BCAS3: variants seen among roughly 807,000 people sequenced by gnomAD.
BCAS3 encodes BCAS3 microtubule associated cell migration factor, also known as BCAS4/BCAS3 fusion.
BCAS3 carries 53 observed loss-of-function variants against 116.1 expected under a neutral mutation model. The ratio of observed to expected loss-of-function variants is 0.46; its 90% CI spans 0.37 to 0.57. The LOEUF (loss-of-function observed/expected upper bound fraction) is 0.57, where lower values mean the gene tolerates loss of function less well. BCAS3 is among the 20% of genes least tolerant of loss of function. The pLI is 0.00. For synonymous variants in BCAS3, 391 were observed against 408.2 expected (o/e 0.96, Z 0.51); for missense variants, 917 against 1,165.4 (o/e 0.79, Z 3.10).
chr17:61,182,926 C>T (rs2079561801), intron 22 of BCAS3, among the ~76,000 whole-genome samples: 1 of 152,190 alleles, frequency 6.6e-6, no homozygotes. Flanking sequence ...GGGCTATGTG[C>T]TGAATGACTT....
chr17:60,757,252 T>C (rs2043075947), intron 6 of BCAS3, among the ~76,000 whole-genome samples: 1 of 151,508 alleles, frequency 6.6e-6, no homozygotes, highest in South Asian at 2.1e-4. Flanking sequence ...GAGGCAGAGG[T>C]TGCAGTGAGC....
chr17:61,084,790 T>G lies in BCAS3; in HGVS notation c.2425+226T>G, dbSNP rs1173263689. On this transcript the variant is annotated intron_variant, in intron 22 of 23. Transcript: ENST00000407086. The surrounding 1 kb of genome is among the most constrained non-coding windows in gnomAD (Gnocchi z 5.5). ...TGATGCAGTGGAGTTGGCACTTGATTAAATGTAATGAACATAGTATTGAAG... is the reference window on the plus strand; with the variant it reads ...TGATGCAGTGGAGTTGGCACTTGATGAAATGTAATGAACATAGTATTGAAG... 6.6e-6 allele frequency among the ~76,000 whole-genome samples: 1 copy of G among 152,238 alleles called. No homozygotes were observed. The highest frequency in any genetic ancestry group is 1.5e-5 in the Non-Finnish European group (1 of 68,046).
Position 61,233,069 on chromosome 17 carries a change from A to G in BCAS3, c.2426-135258A>G, listed in dbSNP as rs913853880. 6.6e-6 allele frequency among the ~76,000 whole-genome samples: 1 copy of G among 152,196 alleles called. No individual in the cohort carries two copies. The highest frequency in any genetic ancestry group is 2.4e-5 in the African/African-American group (1 of 41,454). On this transcript the variant is annotated intron_variant, in intron 22 of 23. Coordinates refer to ENST00000407086, the MANE Select transcript of BCAS3 (RefSeq NM_017679.5). The surrounding 1 kb of genome is among the most constrained non-coding windows in gnomAD (Gnocchi z 4.3). ...TGTAGCTAGACTGCGCTCTCTTGGG[A>G]CTAACCTGTGTGACTAATTTGAGTA...
rs759293415 is a variant in BCAS3, at chr17:61,032,760, A to C, written c.1638-1906A>C. 1.4e-4 allele frequency among the ~76,000 whole-genome samples: 22 copies of C among 152,194 alleles called. No homozygotes were observed. Among genetic ancestry groups the C allele is most frequent in the Non-Finnish European group, 2.9e-4 (20 of 68,022 alleles). On this transcript the variant is annotated intron_variant, in intron 16 of 23. Coordinates refer to ENST00000407086, the MANE Select transcript of BCAS3 (RefSeq NM_017679.5). The surrounding 1 kb of genome is among the most constrained non-coding windows in gnomAD (Gnocchi z 4.6). Reference sequence around the variant, plus strand: ...AGCTTCCCACAGAAACTTTTTATTTAAAAACGATGTCTTTATTCCCTGTCA... The same window carrying C: ...AGCTTCCCACAGAAACTTTTTATTTCAAAACGATGTCTTTATTCCCTGTCA...
intron 7 of BCAS3, among the ~76,000 whole-genome samples, chr17:60,866,801 T>C (rs2054634929): frequency 6.6e-6 from 1 of 152,172 alleles, no homozygotes; most frequent in Admixed American, 6.5e-5. Context: ...ATTACTTTTT[T>C]GAACACTTTG....
chr17:61,328,152 A>G (rs1476414766), intron 22 of BCAS3, among the ~76,000 whole-genome samples: 2 of 151,372 alleles, frequency 1.3e-5, no homozygotes, highest in East Asian at 1.9e-4. Context: ...GGAATAACCT[A>G]TAGCTTTAAA....
chr17:60,999,724 C>A (rs1435833637), intron 15 of BCAS3, among the ~76,000 whole-genome samples: 1 of 151,932 alleles, frequency 6.6e-6, no homozygotes, highest in Non-Finnish European at 1.5e-5. Flanking sequence ...AGTATTGAAT[C>A]TTTAGATTAC....
intron 22 of BCAS3, among the ~76,000 whole-genome samples, chr17:61,111,482 A>G (rs1011678470): frequency 3.0e-4 from 46 of 152,180 alleles, no homozygotes; most frequent in Non-Finnish European, 3.5e-4. Flanking sequence ...AAGAAAGGGT[A>G]TCAGCGACGG....
At chr17:60,867,620 T>G (rs1444894656) in intron 7 of BCAS3, among the ~76,000 whole-genome samples, 1 of 152,226 alleles carries the variant, frequency 6.6e-6, no homozygotes, top group African/African-American at 2.4e-5. Context: ...ATCCATATAT[T>G]CTAACAGTTG....
rs983115764 is a variant in BCAS3, at chr17:61,118,762, T to C, written c.2425+34198T>C. On this transcript the variant is annotated intron_variant, in intron 22 of 23. Coordinates refer to ENST00000407086, the MANE Select transcript of BCAS3 (RefSeq NM_017679.5). The surrounding 1 kb of genome is among the most constrained non-coding windows in gnomAD (Gnocchi z 5.0). Reference sequence around the variant, plus strand: ...GCAGCCTTTTGTTGTGACAAAAGCATAGACAGACCTTGAGGTGTAGAAATG... The same window carrying C: ...GCAGCCTTTTGTTGTGACAAAAGCACAGACAGACCTTGAGGTGTAGAAATG... 3.3e-5 allele frequency among the ~76,000 whole-genome samples: 5 copies of C among 152,188 alleles called. No homozygotes were observed. Among genetic ancestry groups the C allele is most frequent in the Non-Finnish European group, 7.3e-5 (5 of 68,034 alleles).
chr17:60,893,600 C>CTTTTTTTTTTTTT (rs930873750), intron 10 of BCAS3, among the ~76,000 whole-genome samples: 3 of 82,054 alleles, frequency 3.7e-5, no homozygotes, highest in African/African-American at 5.4e-5. Context: ...GACCTATGAT[C>CTTTTTTTTTTTTT]TTTTTTTTTT....
chr17:60,986,335 C>T (rs1295965418), intron 14 of BCAS3, among the ~76,000 whole-genome samples: 1 of 152,092 alleles, frequency 6.6e-6, no homozygotes, highest in Non-Finnish European at 1.5e-5. Context: ...ATACTGATTT[C>T]CTTTCTTTCG....
At chr17:60,943,485 G>A (rs1224384820) in intron 13 of BCAS3, among the ~76,000 whole-genome samples, 1 of 151,948 alleles carries the variant, frequency 6.6e-6, no homozygotes, top group African/African-American at 2.4e-5. Flanking sequence ...AAATAACCAC[G>A]GTTAAATCAT....
chr17:60,706,478 T>C (rs1455129200), intron 4 of BCAS3, among the ~76,000 whole-genome samples: 2 of 151,182 alleles, frequency 1.3e-5, no homozygotes, highest in Non-Finnish European at 2.9e-5. Context: ...GACTTTATTT[T>C]AACAGTAAGC....
At chr17:61,149,498 T>C (rs2077428782) in intron 22 of BCAS3, among the ~76,000 whole-genome samples, 1 of 152,202 alleles carries the variant, frequency 6.6e-6, no homozygotes, top group Admixed American at 6.5e-5. Flanking sequence ...AAATAGATTT[T>C]TAATGGCAAC....
At chr17:61,045,894 A>T (rs1207454995) in intron 19 of BCAS3, among the ~76,000 whole-genome samples, 1 of 34,904 alleles carries the variant, frequency 2.9e-5, no homozygotes, top group Non-Finnish European at 3.8e-5. Flanking sequence ...TTATATATAT[A>T]ATATATATAA....
intron 19 of BCAS3, chr17:61,069,748 G>A: frequency 1.6e-6 from 1 of 611,554 alleles, no homozygotes. Context: ...TGAGGTGGGA[G>A]GATCGCTTGA....
chr17:61,336,071 G>A (rs2056698331), intron 22 of BCAS3, among the ~76,000 whole-genome samples: 1 of 152,256 alleles, frequency 6.6e-6, no homozygotes, highest in African/African-American at 2.4e-5. Context: ...TCCAGCTCCA[G>A]AGGCCCTGGC....
At position 60,868,698 on chromosome 17, in the gene BCAS3, A is replaced by G. The variant is rs1037897093; in HGVS notation, c.584+15A>G. Reference sequence around the variant, plus strand: ...TGCAATAAACGGTAAGGATTTTTTCATGGGTTTCTTGTGTAAAATAAGAAA... The same window carrying G: ...TGCAATAAACGGTAAGGATTTTTTCGTGGGTTTCTTGTGTAAAATAAGAAA... On this transcript the variant is annotated intron_variant, in intron 8 of 23. Coordinates refer to ENST00000407086, the MANE Select transcript of BCAS3 (RefSeq NM_017679.5). 1.5e-5 allele frequency: 23 copies of G among 1,503,834 alleles called. No individual in the cohort carries two copies. The highest frequency in any genetic ancestry group is 2.9e-5 in the African/African-American group (2 of 69,986). 93.2% of individuals were successfully genotyped at this position (1,503,834 alleles called of 1,614,324 possible). A position where few individuals can be genotyped will look rare whatever the true frequency, so the allele number is the denominator to read the frequency against.
Sources: allele counts gnomAD v4.1 joint callset (sites outside exome capture counted in the v4.1 genomes callset), GRCh38; gene constraint gnomAD v4.1.1; non-coding constraint Gnocchi (gnomAD v3.1); transcripts MANE v1.5; gene names NCBI Gene and HGNC (gene_info 2026-07-23, HGNC 2026-07-21).